The following FYN variants were observed in gnomAD, a reference collection of about 807,000 sequenced individuals.
The protein encoded by FYN is tyrosine-protein kinase Fyn.
Under a neutral mutation model 70.2 loss-of-function variants are expected in FYN, and 10 were observed. That is an observed-to-expected ratio of 0.14 (90% CI 0.09 to 0.24). The LOEUF (loss-of-function observed/expected upper bound fraction) is 0.24. Ranked by LOEUF, FYN falls within the 10% of genes least tolerant of loss-of-function variation. FYN has a pLI of 1.00. For synonymous variants in FYN, 236 were observed against 248.6 expected (o/e 0.95, Z 0.48); for missense variants, 319 against 673.1 (o/e 0.47, Z 5.82).
At chr6:111,696,228 C>A in intron 10 of FYN, 49 bp downstream of exon 10, 1 of 1,453,622 alleles carries the variant, frequency 6.9e-7, no homozygotes, top group Non-Finnish European at 9.2e-7. Context: ...CTCCCCTAAA[C>A]AACCCCTTAA....
chr6:111,864,338 G>A (rs779726152), intron 1 of FYN, among the ~76,000 whole-genome samples: 1 of 152,198 alleles, frequency 6.6e-6, no homozygotes, highest in African/African-American at 2.4e-5. Context: ...ACTCTGTGAC[G>A]CTGACTAAAT....
chr6:111,751,794 T>C (rs2128487550), intron 3 of FYN, among the ~76,000 whole-genome samples: 1 of 152,236 alleles, frequency 6.6e-6, no homozygotes, highest in African/African-American at 2.4e-5. Context: ...ATAATCTTTT[T>C]TTTTGGTAGA....
chr6:111,834,112 G>A (rs532674750), intron 2 of FYN, among the ~76,000 whole-genome samples: 33 of 152,136 alleles, frequency 2.2e-4, no homozygotes, highest in Non-Finnish European at 4.1e-4. Context: ...ATAGTCCCAA[G>A]GTAAATAAAA....
chr6:111,692,064 C>A (rs537235449), intron 12 of FYN, among the ~76,000 whole-genome samples: 1 of 151,904 alleles, frequency 6.6e-6, no homozygotes, highest in South Asian at 2.1e-4. Flanking sequence ...TTTTATTCTC[C>A]TGGGACATCC....
chr6:111,696,148 G>A, intron 10 of FYN, 129 bp downstream of exon 10: 1 of 742,428 alleles, frequency 1.3e-6, no homozygotes, highest in Non-Finnish European at 2.1e-6. Flanking sequence ...CACATAACTG[G>A]TGGTTCCTAA....
At chr6:111,682,596 G>A (rs188281737) in intron 12 of FYN, among the ~76,000 whole-genome samples, 1 of 152,274 alleles carries the variant, frequency 6.6e-6, no homozygotes, top group African/African-American at 2.4e-5. Flanking sequence ...TACATAAGCC[G>A]GCCAGGAAAC....
intron 3 of FYN, among the ~76,000 whole-genome samples, chr6:111,746,248 G>A (rs543343458): frequency 1.3e-5 from 2 of 152,088 alleles, no homozygotes; most frequent in Non-Finnish European, 1.5e-5. Flanking sequence ...TCTGACAAAC[G>A]TATATACCTG....
chr6:111,689,113 T>C (rs773775288), intron 12 of FYN, among the ~76,000 whole-genome samples: 4 of 152,220 alleles, frequency 2.6e-5, no homozygotes, highest in South Asian at 2.1e-4. Flanking sequence ...AGAACTTTTA[T>C]AGATAGCCCA....
intron 9 of FYN, chr6:111,699,697 AAC>A (rs750078762): frequency 3.1e-6 from 5 of 1,602,924 alleles, no homozygotes; most frequent in Non-Finnish European, 3.4e-6. Context: ...TAATAAAGAA[AAC>A]ACAGTCCTTA....
intron 5 of FYN, among the ~76,000 whole-genome samples, chr6:111,711,208 G>T (rs1156625037): frequency 2.0e-5 from 3 of 151,988 alleles, no homozygotes; most frequent in Non-Finnish European, 2.9e-5. Context: ...AGCATTTTAT[G>T]TCGGTAACAA....
intron 13 of FYN, among the ~76,000 whole-genome samples, chr6:111,664,783 G>A (rs1406599954): frequency 6.6e-6 from 1 of 152,168 alleles, no homozygotes; most frequent in Non-Finnish European, 1.5e-5. Context: ...ACCTCTCAAA[G>A]CAAGGGGAGT....
chr6:111,850,992 A>C (rs1028056745), intron 1 of FYN, among the ~76,000 whole-genome samples: 8 of 152,240 alleles, frequency 5.3e-5, no homozygotes, highest in Non-Finnish European at 1.2e-4. Flanking sequence ...TCCACACACA[A>C]ACCTTCTCCC....
chr6:111,817,702 G>A (rs947628422), intron 2 of FYN, among the ~76,000 whole-genome samples: 8 of 152,072 alleles, frequency 5.3e-5, no homozygotes, highest in African/African-American at 1.9e-4. Context: ...AAGACCTCAA[G>A]TTATTTGGCG....
intron 3 of FYN, among the ~76,000 whole-genome samples, chr6:111,775,932 T>C (rs537225557): frequency 6.6e-6 from 1 of 152,320 alleles, no homozygotes; most frequent in Admixed American, 6.5e-5. Context: ...ATGGCCTTCA[T>C]GACTCAGAAT....
intron 4 of FYN, among the ~76,000 whole-genome samples, chr6:111,718,587 G>C (rs1800782044): frequency 6.6e-6 from 1 of 152,178 alleles, no homozygotes; most frequent in South Asian, 2.1e-4. Context: ...AAGCCCTTAT[G>C]CTTCTCACGG....
intron 3 of FYN, among the ~76,000 whole-genome samples, chr6:111,720,531 A>G (rs540339204): frequency 6.6e-6 from 1 of 152,316 alleles, no homozygotes; most frequent in South Asian, 2.1e-4. Context: ...GCCAGAATAC[A>G]ACCTTCAATC....
chr6:111,742,172 T>C (rs1802006708), intron 3 of FYN, among the ~76,000 whole-genome samples: 1 of 152,152 alleles, frequency 6.6e-6, no homozygotes, highest in African/African-American at 2.4e-5. Context: ...TAATCCTTTT[T>C]ACTATAGAAA....
chr6:111,800,659 T>A (rs1343865231), intron 2 of FYN, among the ~76,000 whole-genome samples: 1 of 152,154 alleles, frequency 6.6e-6, no homozygotes, highest in Admixed American at 6.5e-5. Flanking sequence ...AAGATGAAAA[T>A]GGGAATTTAA....
chr6:111,774,737 G>T (rs981961283), intron 3 of FYN, among the ~76,000 whole-genome samples: 2 of 151,806 alleles, frequency 1.3e-5, no homozygotes, highest in Admixed American at 6.6e-5. Context: ...CTTAATTTTT[G>T]AGATGCAGTC....
Sources: gnomAD v4.1 joint callset for allele counts (sites outside exome capture counted in the v4.1 genomes callset) on GRCh38, gnomAD v4.1.1 for gene constraint, MANE v1.5 for transcripts, NCBI Gene and HGNC (gene_info 2026-07-23, HGNC 2026-07-21) for gene names.